The following ISLR2 variants were observed in gnomAD, a reference collection of about 807,000 sequenced individuals.
ISLR2 encodes the protein immunoglobulin superfamily containing leucine-rich repeat protein 2.
Under a neutral mutation model 25.5 loss-of-function variants are expected in ISLR2, and 16 were observed. The observed-to-expected ratio is 0.63, with a 90% confidence interval of 0.43 to 0.95. ISLR2 has a LOEUF of 0.95. ISLR2 is among the 40% of genes least tolerant of loss of function. The pLI, the probability that ISLR2 is intolerant of heterozygous loss-of-function variation, is 0.00. For missense variants in ISLR2, 883 were observed against 1,030.7 expected, an observed-to-expected ratio of 0.86 and a Z score of 1.96; for synonymous variants, 508 against 486.6, an observed-to-expected ratio of 1.04 and a Z score of -0.58.
At chr15:74,128,136 C>T, upstream of ISLR2, 1 of 301,048 alleles carries the variant, frequency 3.3e-6, no homozygotes, top group South Asian at 2.8e-5. Flanking sequence ...ATTAGACCCG[C>T]TTCTGCGCGC....
Position 74,135,877 on chromosome 15 carries a change from T to C in ISLR2, c.*885T>C, listed in dbSNP as rs1197712448. 1.2e-5 allele frequency: 2 copies of C among 167,138 alleles called. No homozygotes were observed. The highest frequency in any genetic ancestry group is 6.5e-5 in the Admixed American group (1 of 15,292). 10.4% of individuals were successfully genotyped at this position (167,138 alleles called of 1,614,324 possible). A position where few individuals can be genotyped will look rare whatever the true frequency, so the allele number is the denominator to read the frequency against. ...CCTAGTTTTTAGTTCCAAAGCCTCC[T>C]GCCGGCAGGGAACCAAATCCTTCTG... On this transcript the variant is annotated 3_prime_UTR_variant, in exon 3 of 3. Coordinates refer to ENST00000453268, the MANE Select transcript of ISLR2 (RefSeq NM_020851.3).
At chr15:74,131,648 C>T (rs924281235) in intron 2 of ISLR2, among the ~76,000 whole-genome samples, 10 of 152,182 alleles carry the variant, frequency 6.6e-5, no homozygotes, top group Non-Finnish European at 2.9e-5. Flanking sequence ...TCATCTTCTC[C>T]AGCTTCATTA....
exon 1 of ISLR2, chr15:74,100,353 G>C (rs543844285): frequency 3.3e-6 from 4 of 1,212,516 alleles, no homozygotes; most frequent in South Asian, 7.2e-5. Context: ...GCCCGCTGGA[G>C]GTGCCGGGGG....
At chr15:74,141,345 T>C (rs866982890), downstream of ISLR2, among the ~76,000 whole-genome samples, 1 of 152,208 alleles carries the variant, frequency 6.6e-6, no homozygotes, top group East Asian at 1.9e-4. Flanking sequence ...GTTTCTTAAA[T>C]TGAATCTAAA....
chr15:74,133,610 C>A lies in ISLR2; in HGVS notation c.856C>A (p.Pro286Thr), dbSNP rs761958785. 3.1e-6 allele frequency: 5 copies of A among 1,613,950 alleles called. No homozygotes were observed. In the Admixed American group the frequency reaches 8.3e-5, roughly 27 times the overall value. ...CGGTGGCACCGTAGTCTTAGAGCCA[C>A]CGGTTCTGAGCGGGGAGGACGACGG... ...IPGGTVVLEP[P>T]VLSGEDDGVG... is the part of the protein sequence containing the mutation. The change falls in exon 3 of 3, where the codon CCG (proline) becomes ACG (threonine). Residue 286 changes from proline to threonine, a missense_variant. By Grantham distance (38) the Pro-to-Thr change is conservative. Around this residue, in one of 2 missense-constraint regions of ISLR2, gnomAD observed 612 missense variants for 642.8 expected, o/e 0.95. Transcript: ENST00000453268.
intron 2 of ISLR2, among the ~76,000 whole-genome samples, chr15:74,118,006 G>A (rs1235862713): frequency 6.6e-6 from 1 of 152,158 alleles, no homozygotes; most frequent in African/African-American, 2.4e-5. Flanking sequence ...TGCCCTTCTC[G>A]CTAGTGTCTG....
intron 2 of ISLR2, among the ~76,000 whole-genome samples, chr15:74,113,750 G>A (rs1310006484): frequency 6.6e-6 from 1 of 152,168 alleles, no homozygotes; most frequent in Non-Finnish European, 1.5e-5. Flanking sequence ...TAGGCCCTCT[G>A]TGAATGTCTG....
At chr15:74,120,490 C>G (rs1567156342) in intron 2 of ISLR2, among the ~76,000 whole-genome samples, 1 of 147,714 alleles carries the variant, frequency 6.8e-6, no homozygotes, top group Admixed American at 6.8e-5. Context: ...CCACTGCAAA[C>G]CAGCCTGGGC....
At position 74,136,359 on chromosome 15, in the gene ISLR2, G is replaced by C. The variant is rs1181245095; in HGVS notation, c.*1367G>C. 6.1e-6 allele frequency: 1 copy of C among 164,970 alleles called. No individual in the cohort carries two copies. Among genetic ancestry groups the C allele is most frequent in the Non-Finnish European group, 1.5e-5 (1 of 68,136 alleles). 10.2% of individuals were successfully genotyped at this position (164,970 alleles called of 1,614,324 possible). A position where few individuals can be genotyped will look rare whatever the true frequency, so the allele number is the denominator to read the frequency against. On this transcript the variant is annotated 3_prime_UTR_variant, in exon 3 of 3. Coordinates refer to ENST00000453268, the MANE Select transcript of ISLR2 (RefSeq NM_020851.3). ...GCCCTAGTTCGCACAAAGCCTGCTC[G>C]TGACTGTGCGACTGTGCGACGGGAT...
At chr15:74,128,596 C>G (rs1567159090), upstream of ISLR2, 1 of 456,716 alleles carries the variant, frequency 2.2e-6, no homozygotes, top group Non-Finnish European at 4.4e-6. Flanking sequence ...CGAGCCCATT[C>G]TCCCTTCCAT....
chr15:74,122,631 C>T (rs1441184967), intron 2 of ISLR2, among the ~76,000 whole-genome samples: 1 of 152,232 alleles, frequency 6.6e-6, no homozygotes, highest in African/African-American at 2.4e-5. Flanking sequence ...TAAACAGCCA[C>T]CTGCACACAA....
intron 2 of ISLR2, among the ~76,000 whole-genome samples, chr15:74,104,599 A>G (rs2072105740): frequency 6.6e-6 from 1 of 152,162 alleles, no homozygotes; most frequent in South Asian, 2.1e-4. Context: ...CCTGGGCAAC[A>G]TAGTGAGACC....
chr15:74,138,288 C>CTTTTTTTTTTTTTTTTTTT (rs34518777), downstream of ISLR2: 4 of 91,664 alleles, frequency 4.4e-5, no homozygotes, highest in Admixed American at 1.2e-4. Context: ...TTTCTTTTCT[C>CTTTTTTTTTTTTTTTTTTT]TTTTTTTTTT....
Position 74,133,909 on chromosome 15 carries a change from G to A in ISLR2, c.1155G>A (p.Gly385=), listed in dbSNP as rs1401183375. 1.2e-6 allele frequency: 2 copies of A among 1,604,734 alleles called. No homozygotes were observed. Among genetic ancestry groups the A allele is most frequent in the Admixed American group, 1.7e-5 (1 of 58,462 alleles). Residue 385 remains glycine, a synonymous_variant, in exon 3 of 3, where the codon GGG becomes GGA. Coordinates refer to ENST00000453268, the MANE Select transcript of ISLR2 (RefSeq NM_020851.3). ...TGPPKHAPGA[G]GEPDGQAPTS... ...CCCCAAAACACGCGCCTGGCGCCGG[G>A]GGAGAACCCGACGGACAGGCCCCGA... is the stretch of plus-strand genomic sequence containing the variant.
chr15:74,136,781 T>TCAATAAAA lies in ISLR2; in HGVS notation c.*1794_*1801dup, dbSNP rs2072574478. The TCAATAAAA allele has an allele frequency of 6.0e-6, 1 of 166,932 alleles. No individual in the cohort carries two copies. Among genetic ancestry groups the TCAATAAAA allele is most frequent in the Non-Finnish European group, 1.5e-5 (1 of 68,130 alleles). The allele number at this position is 166,932 out of a possible 1,614,324, so 10.3% of individuals were successfully genotyped here. On this transcript the variant is annotated 3_prime_UTR_variant, in exon 3 of 3. Transcript: ENST00000453268. ...CTTTTCTAAACGCGTCTGTATGCAG[T>TCAATAAAA]CAATAAAACAATCGATTTGAACTGG...
downstream of ISLR2, among the ~76,000 whole-genome samples, chr15:74,139,718 C>G (rs1279461569): frequency 6.6e-6 from 1 of 152,242 alleles, no homozygotes; most frequent in African/African-American, 2.4e-5. Flanking sequence ...CCCTCTCTCC[C>G]TGGCTCCAAG....
chr15:74,116,050 A>G (rs2072207989), intron 2 of ISLR2, among the ~76,000 whole-genome samples: 1 of 151,874 alleles, frequency 6.6e-6, no homozygotes, highest in Non-Finnish European at 1.5e-5. Context: ...TTCAAAAATT[A>G]GCCAGGCATG....
At chr15:74,128,767 C>T (rs1016969860), upstream of ISLR2, 1 of 431,878 alleles carries the variant, frequency 2.3e-6, no homozygotes, top group Non-Finnish European at 4.6e-6. Flanking sequence ...CGCTGCTGGG[C>T]CCCTGCCTCC....
In ISLR2 at chr15:74,134,327, C is replaced by A; in HGVS notation, c.1573C>A (p.Arg525=). 1 of 1,539,684 alleles carries A rather than the reference C, an allele frequency of 6.5e-7. No individual in the cohort carries two copies. Among genetic ancestry groups the A allele is most frequent in the South Asian group, 1.2e-5 (1 of 83,102 alleles). ...GAGGAPRPGR[R]PLRLLYLCPA... ...TGGCGGAGCCCCGCGACCCGGGCGG[C>A]GACCCCTGCGCCTACTCTATCTGTG... The change falls in exon 3 of 3, where the codon CGA becomes AGA. Residue 525 remains arginine (R), a synonymous_variant. Coordinates refer to ENST00000453268, the MANE Select transcript of ISLR2 (RefSeq NM_020851.3).
Sources: gnomAD v4.1 joint callset for allele counts (sites outside exome capture counted in the v4.1 genomes callset) on GRCh38, gnomAD v4.1.1 for gene constraint, gnomAD v4.1.1 regional missense constraint, MANE v1.5 for transcripts, NCBI Gene and HGNC (gene_info 2026-07-23, HGNC 2026-07-21) for gene names.